DPH1: variants seen among roughly 807,000 people sequenced by gnomAD.
DPH1 encodes diphthamide biosynthesis 1.
In DPH1, 59 loss-of-function variants were observed where a neutral mutation model predicts 55.3. That is an observed-to-expected ratio of 1.07 (90% CI 0.87 to 1.33). The LOEUF is 1.33. Ranked by LOEUF, DPH1 falls within the 40% of genes most tolerant of loss-of-function variation. The probability of loss-of-function intolerance (pLI) is 0.00; values close to 1 mark genes in which losing one functional copy is unlikely to be tolerated. For synonymous variants in DPH1, 238 were observed against 235.5 expected (o/e 1.01, Z -0.10); for missense variants, 628 against 584.8 (o/e 1.07, Z -0.76).
chr17:2,036,337 C>A lies in DPH1; in HGVS notation c.401-192C>A. 9.6e-7 allele frequency: 1 copy of A among 1,041,904 alleles called. No homozygotes were observed. Among genetic ancestry groups the A allele is most frequent in the Non-Finnish European group, 1.4e-6 (1 of 736,236 alleles). The allele number at this position is 1,041,904 out of a possible 1,614,324, so 64.5% of individuals were successfully genotyped here. ...GCTGTTGGTTGTAGAGCAGGCTGGG[C>A]CCCGGCCGGGTGACAGAGAAGTCTG... On this transcript the variant is annotated intron_variant, in intron 4 of 12. Transcript: ENST00000263083. The surrounding 1 kb of genome is among the most constrained non-coding windows in gnomAD (Gnocchi z 4.8).
In DPH1 at chr17:2,030,197, GC is replaced by G. The variant is rs1421292938; in HGVS notation, c.29del (p.Ala10GlyfsTer28). ...GGCGGCGCTGGTCGTATCCGGGGCA[GC>G]GGAGCAGGGCGGCCGAGACGGCCCT... The part of the protein sequence containing the change: MAALVVSGA[A>X]EQGGRDGPGR... On this transcript the variant is annotated frameshift_variant, in exon 1 of 13. Coordinates refer to ENST00000263083, the MANE Select transcript of DPH1 (RefSeq NM_001383.6). LOFTEE classifies it high-confidence loss of function. 6.2e-7 allele frequency: 1 copy of G among 1,600,450 alleles called. No homozygotes were observed. Among genetic ancestry groups the G allele is most frequent in the East Asian group, 2.3e-5 (1 of 44,394 alleles).
intron 9 of DPH1, 111 bp downstream of exon 9, chr17:2,040,716 T>C: frequency 1.5e-6 from 2 of 1,294,916 alleles, no homozygotes; most frequent in Non-Finnish European, 1.1e-6. Flanking sequence ...CATGGAATTT[T>C]ACTGTTTACA....
At position 2,036,756 on chromosome 17, in the gene DPH1, C is replaced by A; in HGVS notation, c.558+70C>A. The A allele has an allele frequency of 6.2e-7, 1 of 1,607,436 alleles. No homozygotes were observed. The highest frequency in any genetic ancestry group is 8.5e-7 in the Non-Finnish European group (1 of 1,175,822). On this transcript the variant is annotated intron_variant, in intron 5 of 12. Transcript: ENST00000263083. The surrounding 1 kb of genome is among the most constrained non-coding windows in gnomAD (Gnocchi z 4.8). ...GCCACTCTCCAGCTGTTGCGGGATC[C>A]CCAGGTGCTCCAGGCTGTTTCTCAG...
At chr17:2,030,289 T>G in intron 1 of DPH1, 59 bp downstream of exon 1, 1 of 1,524,468 alleles carries the variant, frequency 6.6e-7, no homozygotes, top group East Asian at 2.5e-5. Flanking sequence ...GCCCCCAAGT[T>G]AGGGACAGGA....
chr17:2,036,292 C>A lies in DPH1; in HGVS notation c.400+201C>A. 8.9e-7 allele frequency: 1 copy of A among 1,127,186 alleles called. No individual in the cohort carries two copies. The highest frequency in any genetic ancestry group is 1.2e-6 in the Non-Finnish European group (1 of 817,186). The allele number at this position is 1,127,186 out of a possible 1,614,324, so 69.8% of individuals were successfully genotyped here. On this transcript the variant is annotated intron_variant, in intron 4 of 12. Transcript: ENST00000263083. The surrounding 1 kb of genome is among the most constrained non-coding windows in gnomAD (Gnocchi z 4.8). ...TTGCCTTGGCAACGGTGCTCTGTCC[C>A]AGATGCAGGTGTTTGAAAGGCTGTT... is the stretch of plus-strand genomic sequence containing the variant.
At chr17:2,037,890 G>T (rs944962604) in intron 6 of DPH1, among the ~76,000 whole-genome samples, 2 of 152,172 alleles carry the variant, frequency 1.3e-5, no homozygotes, top group Admixed American at 6.6e-5. Context: ...CTGAGCCTCA[G>T]TTGTTACCTT....
chr17:2,039,638 A>G, intron 6 of DPH1, 117 bp from the exon 7 acceptor site: 4 of 1,240,240 alleles, frequency 3.2e-6, no homozygotes, highest in South Asian at 1.2e-5. Flanking sequence ...CGGTCTCCCA[A>G]AGTGCTGGGA....
chr17:2,036,724 G>A lies in DPH1; in HGVS notation c.558+38G>A. ...AGGATCCTCGGCCTCCTGCAGGGTG[G>A]ACAGCGGCCACTCTCCAGCTGTTGC... On this transcript the variant is annotated intron_variant, in intron 5 of 12. Transcript: ENST00000263083. The surrounding 1 kb of genome is among the most constrained non-coding windows in gnomAD (Gnocchi z 4.8). The A allele has an allele frequency of 6.2e-7, 1 of 1,611,716 alleles. No homozygotes were observed. The highest frequency in any genetic ancestry group is 8.5e-7 in the Non-Finnish European group (1 of 1,178,870).
intron 7 of DPH1, 142 bp from the exon 8 acceptor site, chr17:2,040,076 C>T: frequency 8.0e-7 from 1 of 1,253,044 alleles, no homozygotes; most frequent in Admixed American, 2.1e-5. Flanking sequence ...TTCCTAATGA[C>T]AGTCCCCGCT....
rs759104557 is a variant in DPH1 at position 2,040,338 on chromosome 17, C to G, written c.870C>G (p.Gly290=). 4.1e-5 allele frequency: 66 copies of G among 1,613,898 alleles called. 1 individual carries two copies. In the South Asian group the frequency reaches 7.1e-4, roughly 17 times the overall value. ...RSAKSWGLIL[G]TLGRQGSPKI... is the part of the protein sequence containing the mutation. ...CTAAGTCCTGGGGCCTTATTCTGGG[C>G]ACTTTGGGCCGCCAGGGCAGTCCTA... Residue 290 remains glycine (G), a synonymous_variant, in exon 8 of 13, where the codon GGC becomes GGG. Coordinates refer to ENST00000263083, the MANE Select transcript of DPH1 (RefSeq NM_001383.6).
At chr17:2,030,272 G>C (rs750242772) in intron 1 of DPH1, 42 bp downstream of exon 1, 91 of 1,538,320 alleles carry the variant, frequency 5.9e-5, no homozygotes, top group Non-Finnish European at 2.6e-5. Context: ...TCGCATCTCG[G>C]GGCGGGGCCC....
intron 3 of DPH1, among the ~76,000 whole-genome samples, chr17:2,035,174 CTCTT>C (rs1473726565): frequency 6.6e-6 from 1 of 151,956 alleles, no homozygotes; most frequent in Admixed American, 6.5e-5. Flanking sequence ...AAGTGTGAGT[CTCTT>C]TCAAGGAAGA....
intron 12 of DPH1, 173 bp from the exon 13 acceptor site, chr17:2,042,432 G>A: frequency 2.4e-6 from 3 of 1,252,032 alleles, no homozygotes; most frequent in East Asian, 5.7e-5. Flanking sequence ...GTCTTCCTCC[G>A]CTGTCTCCTG....
intron 12 of DPH1, 59 bp from the exon 13 acceptor site, chr17:2,042,545 TC>T (rs2067560746): frequency 1.3e-6 from 2 of 1,483,012 alleles, no homozygotes; most frequent in Non-Finnish European, 1.8e-6. Flanking sequence ...CTTTCTCATT[TC>T]TTTCCTTCCT....
intron 3 of DPH1, among the ~76,000 whole-genome samples, chr17:2,035,629 G>C (rs970379838): frequency 6.6e-6 from 1 of 152,068 alleles, no homozygotes; most frequent in Admixed American, 6.6e-5. Context: ...GGGTGTGTGT[G>C]CGTGCTCACG....
intron 6 of DPH1, chr17:2,037,191 G>A: frequency 2.1e-6 from 1 of 472,532 alleles, no homozygotes. Flanking sequence ...GAATCAGAGG[G>A]CCTGATGGGG....
At chr17:2,030,283 C>T (rs1367292651) in intron 1 of DPH1, 53 bp downstream of exon 1, 10 of 1,530,574 alleles carry the variant, frequency 6.5e-6, no homozygotes, top group Non-Finnish European at 3.5e-6. Context: ...GGCGGGGCCC[C>T]CAAGTTAGGG....
Position 2,033,794 on chromosome 17 carries a change from C to G in DPH1, c.230C>G (p.Pro77Arg). 1 of 1,614,218 alleles carries G rather than the reference C, an allele frequency of 6.2e-7. No individual in the cohort carries two copies. Among genetic ancestry groups the G allele is most frequent in the Non-Finnish European group, 8.5e-7 (1 of 1,180,030 alleles). The change falls in exon 3 of 13, where the codon CCG (proline) becomes CGG (arginine). Residue 77 changes from proline (P) to arginine (R), a missense_variant. Transcript: ENST00000263083. ...CGTCTTGCAGTGGCCTTGCAAATGCCGGAAGGCCTCCTCCTCTTTGCCTGT... is the reference window on the plus strand; with the variant it reads ...CGTCTTGCAGTGGCCTTGCAAATGCGGGAAGGCCTCCTCCTCTTTGCCTGT... Reference protein sequence around the residue: ...AQAKKVALQMPEGLLLFACTI... With the variant: ...AQAKKVALQMREGLLLFACTI...
intron 6 of DPH1, 45 bp downstream of exon 6, chr17:2,037,001 T>A: frequency 6.3e-7 from 1 of 1,586,776 alleles, no homozygotes; most frequent in Non-Finnish European, 8.6e-7. Flanking sequence ...GACATGCGTG[T>A]ACCCTGGGAG....
Sources: allele counts gnomAD v4.1 joint callset (sites outside exome capture counted in the v4.1 genomes callset), GRCh38; gene constraint gnomAD v4.1.1; non-coding constraint Gnocchi (gnomAD v3.1); transcripts MANE v1.5; gene names NCBI Gene and HGNC (gene_info 2026-07-23, HGNC 2026-07-21).